ACADS: variants seen among roughly 807,000 people sequenced by gnomAD.
ACADS encodes the protein short-chain specific acyl-CoA dehydrogenase, mitochondrial.
Under a neutral mutation model 46.8 loss-of-function variants are expected in ACADS, and 28 were observed. That is an observed-to-expected ratio of 0.60 (90% CI 0.44 to 0.82). ACADS has a LOEUF of 0.82. Among genes scored for constraint, ACADS ranks in the 40% least tolerant of loss-of-function variants. The pLI is 0.00. For synonymous variants in ACADS, 236 were observed against 237.7 expected (o/e 0.99, Z 0.07); for missense variants, 528 against 578.0 (o/e 0.91, Z 0.89).
At chr12:120,727,393 G>T (rs1445344728) in intron 2 of ACADS, among the ~76,000 whole-genome samples, 1 of 152,164 alleles carries the variant, frequency 6.6e-6, no homozygotes, top group Non-Finnish European at 1.5e-5. Flanking sequence ...AGTAATATGT[G>T]GTGGATGGTC....
At chr12:120,732,732 C>T (rs1329545585) in intron 2 of ACADS, among the ~76,000 whole-genome samples, 2 of 151,676 alleles carry the variant, frequency 1.3e-5, no homozygotes, top group African/African-American at 4.9e-5. Flanking sequence ...CTCCTCACTT[C>T]CCAGACTGGG....
chr12:120,727,787 C>T (rs1276052204), intron 2 of ACADS, among the ~76,000 whole-genome samples: 6 of 152,204 alleles, frequency 3.9e-5, no homozygotes, highest in South Asian at 2.1e-4. Context: ...CTGCCCACCT[C>T]GGCCTCCCAA....
In ACADS at chr12:120,739,457, C is replaced by T. The variant is rs754897003; in HGVS notation, c.*9C>T. The T allele has an allele frequency of 2.6e-5, 42 of 1,605,470 alleles. No homozygotes were observed. Among genetic ancestry groups the T allele is most frequent in the East Asian group, 2.5e-4 (11 of 44,832 alleles). ...GGAGCTACCGGAGCTGAGCCCGCGGCGGACTGCCCCAGGACTGCGGGAAGG... is the reference window on the plus strand; with the variant it reads ...GGAGCTACCGGAGCTGAGCCCGCGGTGGACTGCCCCAGGACTGCGGGAAGG... On this transcript the variant is annotated 3_prime_UTR_variant, in exon 10 of 10. Coordinates refer to ENST00000242592, the MANE Select transcript of ACADS (RefSeq NM_000017.4).
In ACADS at chr12:120,738,569, C is replaced by T. The variant is rs1883539889; in HGVS notation, c.832C>T (p.Gln278Ter). 6.2e-7 allele frequency: 1 copy of T among 1,612,182 alleles called. No individual in the cohort carries two copies. The highest frequency in any genetic ancestry group is 1.3e-5 in the African/African-American group (1 of 74,954). ...CATGGGCCGCATCGGCATCGCCTCCCAGGCCCTGGGCATTGCCCAGACCGC... is the reference window on the plus strand; with the variant it reads ...CATGGGCCGCATCGGCATCGCCTCCTAGGCCCTGGGCATTGCCCAGACCGC... ...LDMGRIGIAS[Q>*]ALGIAQTALD... Residue 278 changes from glutamine (Q) to a stop codon, truncating the protein, a stop_gained, in exon 7 of 10, where the codon CAG (glutamine) becomes TAG (stop). Transcript: ENST00000242592. LOFTEE classifies it high-confidence loss of function.
intron 7 of ACADS, 45 bp downstream of exon 7, chr12:120,738,715 G>A (rs770022520): frequency 1.3e-5 from 21 of 1,609,132 alleles, no homozygotes; most frequent in South Asian, 5.5e-5. Flanking sequence ...GCTGGACAGC[G>A]GGCGGAGAGT....
In ACADS at chr12:120,739,540, G is replaced by A; in HGVS notation, c.*92G>A. On this transcript the variant is annotated 3_prime_UTR_variant, in exon 10 of 10. Transcript: ENST00000242592. ...GCTCAGAGACTGGGCGGCCCGGCGGGGGCTCCCTGGGGACCCCAGATGGGC... is the reference window on the plus strand; with the variant it reads ...GCTCAGAGACTGGGCGGCCCGGCGGAGGCTCCCTGGGGACCCCAGATGGGC... 6.7e-7 allele frequency: 1 copy of A among 1,481,646 alleles called. No homozygotes were observed. Among genetic ancestry groups the A allele is most frequent in the Non-Finnish European group, 9.1e-7 (1 of 1,099,394 alleles). The allele number at this position is 1,481,646 out of a possible 1,614,324, so 91.8% of individuals were successfully genotyped here.
Position 120,739,311 on chromosome 12 carries a change from G to C in ACADS, c.1102G>C (p.Gly368Arg), listed in dbSNP as rs1433674196. 2 of 1,613,052 alleles carry C rather than the reference G, an allele frequency of 1.2e-6. No individual in the cohort carries two copies. Among genetic ancestry groups the C allele is most frequent in the Admixed American group, 1.7e-5 (1 of 60,032 alleles). ...CTCATCTCAGGCCATCCAGATCCTG[G>C]GCGGCATGGGCTACGTGACAGAGAT... ...AISHQAIQIL[G>R]GMGYVTEMPA... Residue 368 changes from glycine (G) to arginine (R), a missense_variant, in exon 10 of 10, where the codon GGC becomes CGC. Transcript: ENST00000242592.
At chr12:120,729,301 A>G (rs1182301670) in intron 2 of ACADS, among the ~76,000 whole-genome samples, 1 of 130,920 alleles carries the variant, frequency 7.6e-6, no homozygotes, top group Non-Finnish European at 1.6e-5. Context: ...TCTGTCCCCC[A>G]GGCTGGAGTG....
At chr12:120,727,919 G>A (rs1883135143) in intron 2 of ACADS, among the ~76,000 whole-genome samples, 3 of 152,074 alleles carry the variant, frequency 2.0e-5, no homozygotes, top group Non-Finnish European at 2.9e-5. Flanking sequence ...GCTCATCAGC[G>A]GCAGCCTGCT....
rs769067505 is a variant in ACADS at position 120,738,628 on chromosome 12, C to T, written c.891C>T (p.Arg297=). The T allele has an allele frequency of 1.9e-6, 3 of 1,613,238 alleles. No individual in the cohort carries two copies. Among genetic ancestry groups the T allele is most frequent in the South Asian group, 2.2e-5 (2 of 91,092 alleles). The change falls in exon 7 of 10, where the codon CGC becomes CGT. Residue 297 remains arginine (R), a synonymous_variant. Transcript: ENST00000242592. ...LDCAVNYAEN[R]MAFGAPLTKL... is the part of the protein sequence containing the mutation. ...GTGCTGTGAACTACGCTGAGAATCG[C>T]ATGGCCTTCGGGGCGCCCCTCACCA... is the stretch of plus-strand genomic sequence containing the variant.
chr12:120,730,837 G>A (rs992140100), intron 2 of ACADS, among the ~76,000 whole-genome samples: 3 of 152,174 alleles, frequency 2.0e-5, no homozygotes, highest in Non-Finnish European at 2.9e-5. Flanking sequence ...AGGGTGAGGC[G>A]GCTTGAGCTA....
intron 2 of ACADS, among the ~76,000 whole-genome samples, chr12:120,733,850 CAAAA>C (rs11405010): frequency 3.3e-5 from 4 of 119,706 alleles, no homozygotes; most frequent in African/African-American, 6.0e-5. Context: ...CCATCTCTAC[CAAAA>C]AAAAAAAAAA....
intron 2 of ACADS, among the ~76,000 whole-genome samples, chr12:120,733,252 AGAGGG>A (rs1883324602): frequency 6.6e-6 from 1 of 151,938 alleles, no homozygotes; most frequent in African/African-American, 2.4e-5. Flanking sequence ...AGGGAGAGGG[AGAGGG>A]AGAGGGAGAA....
chr12:120,731,831 T>C (rs1166871861), intron 2 of ACADS, among the ~76,000 whole-genome samples: 1 of 151,954 alleles, frequency 6.6e-6, no homozygotes, highest in African/African-American at 2.4e-5. Flanking sequence ...TAGGGAGTGG[T>C]GATGACTCTT....
rs948372997 is a variant in ACADS at position 120,728,896 on chromosome 12, G to A, written c.210+1707G>A. 7.2e-5 allele frequency among the ~76,000 whole-genome samples: 11 copies of A among 152,256 alleles called. No individual in the cohort carries two copies. The highest frequency in any genetic ancestry group is 2.4e-4 in the African/African-American group (10 of 41,460). On this transcript the variant is annotated intron_variant, in intron 2 of 9. Coordinates refer to ENST00000242592, the MANE Select transcript of ACADS (RefSeq NM_000017.4). This position sits in a 1 kb window ranked among gnomAD's most constrained non-coding sequence, Gnocchi z 4.0. ...CCCAGATATGAAGGCAGCAGGTGCTGCAGGCTTGCCTTGTCTGTCACTGCT... is the reference window on the plus strand; with the variant it reads ...CCCAGATATGAAGGCAGCAGGTGCTACAGGCTTGCCTTGTCTGTCACTGCT...
chr12:120,735,136 G>C lies in ACADS; in HGVS notation c.211-1850G>C, dbSNP rs1393046656. Among the ~76,000 whole-genome samples the C allele has an allele frequency of 2.1e-5, 3 of 143,814 alleles. No homozygotes were observed. In the Admixed American group the frequency reaches 2.2e-4, roughly 10 times the overall value. The allele number at this position is 143,814 out of a possible 152,430, so 94.3% of individuals were successfully genotyped here. A position where few individuals can be genotyped will look rare whatever the true frequency, so the allele number is the denominator to read the frequency against. ...AAAATATAAAAATTAGCCAGGTGTG[G>C]TGGCAGGCACCTGTAATCCCAGCTA... On this transcript the variant is annotated intron_variant, in intron 2 of 9. Transcript: ENST00000242592.
chr12:120,729,846 G>A (rs1883199169), intron 2 of ACADS, among the ~76,000 whole-genome samples: 1 of 152,170 alleles, frequency 6.6e-6, no homozygotes, highest in Non-Finnish European at 1.5e-5. Flanking sequence ...CTCTGGGATG[G>A]GATGGAGAAG....
intron 2 of ACADS, among the ~76,000 whole-genome samples, chr12:120,729,310 T>G (rs1235435064): frequency 6.7e-6 from 1 of 148,338 alleles, no homozygotes; most frequent in Non-Finnish European, 1.5e-5. Flanking sequence ...CAGGCTGGAG[T>G]GCAGTGGTGC....
In ACADS at chr12:120,727,081, G is replaced by C; in HGVS notation, c.102G>C (p.Leu34=). 1 of 1,614,196 alleles carries C rather than the reference G, an allele frequency of 6.2e-7. No individual in the cohort carries two copies. The highest frequency in any genetic ancestry group is 8.5e-7 in the Non-Finnish European group (1 of 1,180,030). ...QLHTIYQSVE[L]PETHQMLLQT... Reference sequence around the variant, plus strand: ...ACACCATCTACCAGTCTGTGGAACTGCCCGAGACACACCAGATGTTGCTCC... The same window carrying C: ...ACACCATCTACCAGTCTGTGGAACTCCCCGAGACACACCAGATGTTGCTCC... Residue 34 remains leucine, a synonymous_variant, in exon 2 of 10, where the codon CTG becomes CTC. Coordinates refer to ENST00000242592, the MANE Select transcript of ACADS (RefSeq NM_000017.4).
Sources: gnomAD v4.1 joint callset for allele counts (sites outside exome capture counted in the v4.1 genomes callset) on GRCh38, gnomAD v4.1.1 for gene constraint, Gnocchi (gnomAD v3.1) non-coding constraint, MANE v1.5 for transcripts, NCBI Gene and HGNC (gene_info 2026-07-23, HGNC 2026-07-21) for gene names.